Variants in TMPRSS11D observed in about 807,000 individuals in gnomAD.
TMPRSS11D encodes transmembrane serine protease 11D, also known as transmembrane protease serine 11D.
In TMPRSS11D, 32 loss-of-function variants were observed where a neutral mutation model predicts 44.4. That is an observed-to-expected ratio of 0.72 (90% CI 0.54 to 0.97). The LOEUF (loss-of-function observed/expected upper bound fraction) is 0.97, where lower values mean the gene tolerates loss of function less well. TMPRSS11D is among the 50% of genes least tolerant of loss of function. TMPRSS11D has a pLI of 0.00. For missense variants in TMPRSS11D, 446 were observed against 502.6 expected, an observed-to-expected ratio of 0.89 and a Z score of 1.08; for synonymous variants, 179 against 177.9, an observed-to-expected ratio of 1.01 and a Z score of -0.05.
rs747782283 is a variant in TMPRSS11D, at chr4:67,828,042, G to A, written c.693-522C>T. Among the ~76,000 whole-genome samples, 36 of 60,282 alleles carry A rather than the reference G, an allele frequency of 6.0e-4. No individual in the cohort carries two copies. The East Asian group carries it at 9.8e-3, about 16-fold the overall frequency. The allele number at this position is 60,282 out of a possible 152,430, so 39.5% of individuals were successfully genotyped here. On this transcript the variant is annotated intron_variant, in intron 7 of 9. Coordinates refer to ENST00000283916, the MANE Select transcript of TMPRSS11D (RefSeq NM_004262.3). ...ATAATGGTTGAAGATTTTGGTGTGTGTGTGTGTGTGTGTGTGCATATATAT... is the reference window on the plus strand; with the variant it reads ...ATAATGGTTGAAGATTTTGGTGTGTATGTGTGTGTGTGTGTGCATATATAT...
chr4:67,851,992 A>G (rs889018841), intron 3 of TMPRSS11D, among the ~76,000 whole-genome samples: 5 of 152,050 alleles, frequency 3.3e-5, no homozygotes, highest in Admixed American at 3.3e-4. Flanking sequence ...GGGGCAACTC[A>G]CACCTAATGG....
Position 67,838,320 on chromosome 4 carries a change from A to G in TMPRSS11D, c.327T>C (p.Gly109=). The change falls in exon 5 of 10, where the codon GGT becomes GGC. Residue 109 remains glycine (G), a synonymous_variant. Coordinates refer to ENST00000283916, the MANE Select transcript of TMPRSS11D (RefSeq NM_004262.3). ...TGACAACATCCGCTCTCACACCACT[A>G]CCATCTTGCCTGTAAATCATAAAGA... ...RAHVAKLRQD[G]SGVRADVVMK... 6.4e-7 allele frequency: 1 copy of G among 1,567,556 alleles called. No individual in the cohort carries two copies. Among genetic ancestry groups the G allele is most frequent in the Non-Finnish European group, 8.6e-7 (1 of 1,161,530 alleles).
intron 1 of TMPRSS11D, among the ~76,000 whole-genome samples, chr4:67,877,168 A>T (rs753282180): frequency 1.6e-4 from 24 of 152,004 alleles, no homozygotes; most frequent in Non-Finnish European, 2.9e-4. Context: ...ATTTTTTTTT[A>T]AATCTTTTGC....
chr4:67,856,678 C>A (rs1718642817), intron 2 of TMPRSS11D, among the ~76,000 whole-genome samples: 1 of 151,874 alleles, frequency 6.6e-6, no homozygotes, highest in South Asian at 2.1e-4. Context: ...AGGAAACAAG[C>A]AACAGAATGG....
chr4:67,834,734 C>T (rs113631981), intron 6 of TMPRSS11D, among the ~76,000 whole-genome samples: 93 of 152,264 alleles, frequency 6.1e-4, no homozygotes, highest in African/African-American at 2.1e-3. Flanking sequence ...GCTACATAAA[C>T]GGTGTCATCA....
Position 67,827,288 on chromosome 4 carries a change from T to C in TMPRSS11D, c.925A>G (p.Thr309Ala), listed in dbSNP as rs1301445461. The change falls in exon 8 of 10, where the codon ACA becomes GCA. Residue 309 changes from threonine (T) to alanine (A), a missense_variant. By Grantham distance (58) the Thr-to-Ala change is moderately conservative. Coordinates refer to ENST00000283916, the MANE Select transcript of TMPRSS11D (RefSeq NM_004262.3). ...NIPPGSTAYV[T>A]GWGAQEYAGH... Reference sequence around the variant, plus strand: ...GCATATTCTTGAGCGCCCCATCCTGTTACATAAGCAGTAGAGCCAGGTGGA... The same window carrying C: ...GCATATTCTTGAGCGCCCCATCCTGCTACATAAGCAGTAGAGCCAGGTGGA... 1.9e-6 allele frequency: 3 copies of C among 1,611,852 alleles called. No homozygotes were observed. The highest frequency in any genetic ancestry group is 2.5e-6 in the Non-Finnish European group (3 of 1,179,074).
In TMPRSS11D at chr4:67,854,172, A is replaced by G. The variant is rs754342010; in HGVS notation, c.145T>C (p.Phe49Leu). Residue 49 changes from phenylalanine to leucine, a missense_variant, in exon 3 of 10, where the codon TTT (phenylalanine) becomes CTT (leucine). Physicochemically the swap from Phe to Leu is conservative, Grantham distance 22 (BLOSUM62 0). Coordinates refer to ENST00000283916, the MANE Select transcript of TMPRSS11D (RefSeq NM_004262.3). Reference protein sequence around the residue: ...YFLAFDQKSYFYRSSFQLLNV... With the variant: ...YFLAFDQKSYLYRSSFQLLNV... ...AGGAGTTGAAAACTGCTCCTATAAA[A>G]GTAAGATTTTTGATCTGAAAAAGAA... 6 of 1,550,034 alleles carry G rather than the reference A, an allele frequency of 3.9e-6. No homozygotes were observed. The East Asian group carries it at 1.2e-4, about 30-fold the overall frequency.
chr4:67,830,075 GGCT>G (rs1717907965), intron 7 of TMPRSS11D, among the ~76,000 whole-genome samples: 2 of 151,984 alleles, frequency 1.3e-5, no homozygotes. Flanking sequence ...GAAATATGGT[GGCT>G]GCATACCATG....
intron 3 of TMPRSS11D, 74 bp downstream of exon 3, chr4:67,853,994 T>C (rs2109683570): frequency 1.1e-6 from 1 of 898,930 alleles, no homozygotes; most frequent in South Asian, 1.9e-5. Flanking sequence ...ACTGAAAATA[T>C]ATTACAAAAC....
chr4:67,867,117 C>G (rs1287534591), intron 1 of TMPRSS11D, among the ~76,000 whole-genome samples: 3 of 152,032 alleles, frequency 2.0e-5, no homozygotes, highest in Non-Finnish European at 2.9e-5. Context: ...CAGCATCATA[C>G]TGGCATAAAA....
At chr4:67,874,687 A>G (rs914978585) in intron 1 of TMPRSS11D, among the ~76,000 whole-genome samples, 1 of 152,198 alleles carries the variant, frequency 6.6e-6, no homozygotes, top group African/African-American at 2.4e-5. Context: ...ATCTATTAAT[A>G]AAGAGCCTAA....
chr4:67,827,393 C>G lies in TMPRSS11D; in HGVS notation c.820G>C (p.Ala274Pro), dbSNP rs1366008931. 6.2e-7 allele frequency: 1 copy of G among 1,613,270 alleles called. No homozygotes were observed. Among genetic ancestry groups the G allele is most frequent in the Non-Finnish European group, 8.5e-7 (1 of 1,179,588 alleles). ...YKSATHENDI[A>P]LVRLENSVTF... ...ACACTGTTCTCAAGTCTCACAAGTG[C>G]AATGTCATTTTCATGAGTTGCAGAT... Residue 274 changes from alanine to proline, a missense_variant, in exon 8 of 10, where the codon GCA becomes CCA. Transcript: ENST00000283916.
intron 3 of TMPRSS11D, among the ~76,000 whole-genome samples, chr4:67,845,651 C>G (rs976343651): frequency 1.3e-5 from 2 of 152,084 alleles, no homozygotes; most frequent in Non-Finnish European, 2.9e-5. Flanking sequence ...GTAACCTGTA[C>G]TGCTGACACT....
chr4:67,838,023 C>T, intron 5 of TMPRSS11D, 149 bp downstream of exon 5: 1 of 550,080 alleles, frequency 1.8e-6, no homozygotes, highest in South Asian at 4.1e-5. Flanking sequence ...CGTTAGGGAG[C>T]TATATGGTAT....
At chr4:67,829,194 A>G (rs2109660042) in intron 7 of TMPRSS11D, among the ~76,000 whole-genome samples, 1 of 152,206 alleles carries the variant, frequency 6.6e-6, no homozygotes, top group East Asian at 1.9e-4. Flanking sequence ...AAAAGACTGC[A>G]TTGACATAGT....
chr4:67,832,341 G>T (rs1717966435), intron 7 of TMPRSS11D, among the ~76,000 whole-genome samples: 1 of 152,098 alleles, frequency 6.6e-6, no homozygotes, highest in African/African-American at 2.4e-5. Flanking sequence ...CCCAACAACT[G>T]TTGTGGTCTG....
intron 1 of TMPRSS11D, among the ~76,000 whole-genome samples, chr4:67,873,177 G>A (rs1190156793): frequency 1.3e-5 from 2 of 152,120 alleles, no homozygotes; most frequent in Non-Finnish European, 1.5e-5. Flanking sequence ...TTTTCCTTCT[G>A]TAGCCCGAAC....
At chr4:67,881,076 C>A (rs1719310435) in intron 1 of TMPRSS11D, among the ~76,000 whole-genome samples, 1 of 152,194 alleles carries the variant, frequency 6.6e-6, no homozygotes, top group Non-Finnish European at 1.5e-5. Context: ...CTCCCCAAAA[C>A]TGTGAAATCA....
intron 3 of TMPRSS11D, among the ~76,000 whole-genome samples, chr4:67,850,182 G>A (rs1285439545): frequency 6.6e-6 from 1 of 152,178 alleles, no homozygotes; most frequent in Non-Finnish European, 1.5e-5. Context: ...GAAGGATTTA[G>A]TGTATGATAA....
Sources: gnomAD v4.1 joint callset for allele counts (sites outside exome capture counted in the v4.1 genomes callset) on GRCh38, gnomAD v4.1.1 for gene constraint, MANE v1.5 for transcripts, NCBI Gene and HGNC (gene_info 2026-07-23, HGNC 2026-07-21) for gene names.